The following ACBD6 variants were observed in gnomAD, a reference collection of about 807,000 sequenced individuals.
The protein encoded by ACBD6 is acyl-CoA-binding domain-containing protein 6.
A neutral mutation model predicts 37.2 loss-of-function variants in ACBD6; 28 were observed. The observed-to-expected ratio is 0.75, with a 90% CI of 0.56 to 1.03. The LOEUF is 1.03. Ranked by LOEUF, ACBD6 falls within the 50% of genes least tolerant of loss-of-function variation. ACBD6 has a pLI of 0.00. For synonymous variants in ACBD6, 113 were observed against 126.8 expected (o/e 0.89, Z 0.73); for missense variants, 340 against 337.4 (o/e 1.01, Z -0.06).
intron 7 of ACBD6, among the ~76,000 whole-genome samples, chr1:180,295,588 G>A (rs1469191928): frequency 6.6e-6 from 1 of 151,590 alleles, no homozygotes; most frequent in Non-Finnish European, 1.5e-5. Context: ...TTTCCCAACA[G>A]CATTTGTTCA....
In ACBD6 at chr1:180,347,360, G is replaced by GTGTT. The variant is rs1553296138; in HGVS notation, c.664-32639_664-32638insAACA. On this transcript the variant is annotated intron_variant, in intron 6 of 7. Transcript: ENST00000367595. Reference sequence around the variant, plus strand: ...CAAACACTTAATTTTTCAACAGAAAGTTTTTTTTTTTTTTTTTTTTTTGAG... The same window carrying GTGTT: ...CAAACACTTAATTTTTCAACAGAAAGTGTTTTTTTTTTTTTTTTTTTTTTTTGAG... 7.5e-3 allele frequency among the ~76,000 whole-genome samples: 370 copies of GTGTT among 49,030 alleles called. 23 individuals are homozygous for GTGTT. Among genetic ancestry groups the GTGTT allele is most frequent in the East Asian group, 0.019 (24 of 1,260 alleles). 32.2% of individuals were successfully genotyped at this position (49,030 alleles called of 152,430 possible).
chr1:180,463,293 G>GA (rs1159364536), intron 3 of ACBD6, among the ~76,000 whole-genome samples: 2 of 151,524 alleles, frequency 1.3e-5, no homozygotes, highest in Non-Finnish European at 2.9e-5. Flanking sequence ...CTGGTTTTTT[G>GA]AAAAAATTAA....
chr1:180,444,593 T>G (rs981578353), intron 3 of ACBD6, among the ~76,000 whole-genome samples: 3 of 152,228 alleles, frequency 2.0e-5, no homozygotes, highest in Admixed American at 6.5e-5. Context: ...CCAGAGTGGA[T>G]AAACTTTGGC....
intron 6 of ACBD6, among the ~76,000 whole-genome samples, chr1:180,396,033 T>C (rs1050653059): frequency 7.2e-5 from 11 of 152,120 alleles, no homozygotes; most frequent in African/African-American, 1.2e-4. Flanking sequence ...CTGAGTGAAA[T>C]AAGCCAGTCA....
At chr1:180,436,013 G>A (rs1017221486) in intron 3 of ACBD6, 59 of 776,106 alleles carry the variant, frequency 7.6e-5, no homozygotes, top group East Asian at 1.5e-4. Flanking sequence ...TTACTGTATC[G>A]TTTAATGTTG....
chr1:180,417,132 C>T (rs1648131155), intron 4 of ACBD6, among the ~76,000 whole-genome samples: 1 of 152,150 alleles, frequency 6.6e-6, no homozygotes, highest in Non-Finnish European at 1.5e-5. Context: ...CTCTAGGGTA[C>T]ATAAACTCCT....
chr1:180,339,733 C>G (rs184308166), intron 6 of ACBD6, among the ~76,000 whole-genome samples: 1 of 151,626 alleles, frequency 6.6e-6, no homozygotes, highest in Non-Finnish European at 1.5e-5. Flanking sequence ...GTGTTAGGCA[C>G]TGTTCTAAGG....
chr1:180,385,450 T>G (rs993231409), intron 6 of ACBD6, among the ~76,000 whole-genome samples: 1 of 150,464 alleles, frequency 6.6e-6, no homozygotes, highest in East Asian at 1.9e-4. Context: ...ATGCCTTAAA[T>G]ATAAAGATAC....
chr1:180,397,788 CATGCCTGTA>C (rs1231397780), intron 5 of ACBD6, among the ~76,000 whole-genome samples, 183 bp from the exon 6 acceptor site: 11 of 152,158 alleles, frequency 7.2e-5, no homozygotes. Context: ...CATGGTGGCT[CATGCCTGTA>C]ATCCCAGCAC....
intron 3 of ACBD6, among the ~76,000 whole-genome samples, chr1:180,442,522 A>T (rs573371715): frequency 3.9e-5 from 6 of 152,296 alleles, no homozygotes; most frequent in Admixed American, 1.3e-4. Flanking sequence ...TTGAAATTTC[A>T]GCCATTATTA....
At chr1:180,324,252 G>A (rs1365746160) in intron 6 of ACBD6, among the ~76,000 whole-genome samples, 3 of 152,098 alleles carry the variant, frequency 2.0e-5, no homozygotes, top group Non-Finnish European at 2.9e-5. Flanking sequence ...GTAAGGACTT[G>A]CTTCTGCCAT....
At chr1:180,271,445 A>G in exon 14 of ACBD6, 1 of 1,614,164 alleles carries the variant, frequency 6.2e-7, no homozygotes, top group Non-Finnish European at 8.5e-7. Flanking sequence ...GGAGACATTA[A>G]AGAATGCATA....
chr1:180,330,539 C>T (rs1433935073), intron 6 of ACBD6, among the ~76,000 whole-genome samples: 1 of 152,228 alleles, frequency 6.6e-6, no homozygotes, highest in African/African-American at 2.4e-5. Context: ...TCTTTCTCCA[C>T]ATGGGCTACA....
chr1:180,333,381 AT>A (rs771336400), intron 6 of ACBD6, among the ~76,000 whole-genome samples: 1 of 152,234 alleles, frequency 6.6e-6, no homozygotes, highest in Non-Finnish European at 1.5e-5. Context: ...CTTTTGAAAT[AT>A]GCTATTGCAT....
chr1:180,422,812 C>A (rs1197128538), intron 4 of ACBD6, among the ~76,000 whole-genome samples: 1 of 152,190 alleles, frequency 6.6e-6, no homozygotes, highest in East Asian at 1.9e-4. Context: ...AAACTGCTCA[C>A]TTGGAGATGA....
chr1:180,373,779 A>G (rs751387365), intron 6 of ACBD6, among the ~76,000 whole-genome samples: 18 of 152,180 alleles, frequency 1.2e-4, no homozygotes, highest in Non-Finnish European at 5.9e-5. Context: ...GAATCTTTGC[A>G]TTCTGGGACA....
At chr1:180,370,919 A>C (rs1653238407) in intron 6 of ACBD6, among the ~76,000 whole-genome samples, 1 of 152,098 alleles carries the variant, frequency 6.6e-6, no homozygotes, top group African/African-American at 2.4e-5. Context: ...AAGACAAATA[A>C]AGGGCAGAAA....
intron 3 of ACBD6, 70 bp from the exon 4 acceptor site, chr1:180,430,332 C>T: frequency 1.5e-6 from 2 of 1,292,328 alleles, no homozygotes; most frequent in Non-Finnish European, 1.1e-6. Context: ...AAATCAGTTA[C>T]AAAATGTTAT....
chr1:180,444,407 T>C (rs17300579), intron 3 of ACBD6, among the ~76,000 whole-genome samples: 24,322 of 152,188 alleles, frequency 0.16, 1,996 homozygotes, highest in Middle Eastern at 0.22. Context: ...CTCTTTCTAA[T>C]GCAACTGCAC....
Sources: gnomAD v4.1 joint callset for allele counts (sites outside exome capture counted in the v4.1 genomes callset) on GRCh38, gnomAD v4.1.1 for gene constraint, MANE v1.5 for transcripts, NCBI Gene and HGNC (gene_info 2026-07-23, HGNC 2026-07-21) for gene names.